The following AK9 variants were observed in gnomAD, a reference collection of about 807,000 sequenced individuals.
AK9 encodes adenylate kinase domain containing 1.
Under a neutral mutation model 239.6 loss-of-function variants are expected in AK9, and 191 were observed. That is an observed-to-expected ratio of 0.80 (90% CI 0.71 to 0.90). The LOEUF (loss-of-function observed/expected upper bound fraction) is 0.90, where lower values mean the gene tolerates loss of function less well. Among genes scored for constraint, AK9 ranks in the 40% least tolerant of loss-of-function variants. The pLI is 0.00. For missense variants in AK9, 1,995 were observed against 2,214.7 expected, an observed-to-expected ratio of 0.90 and a Z score of 1.99; for synonymous variants, 689 against 721.0, an observed-to-expected ratio of 0.96 and a Z score of 0.71.
At position 109,658,201 on chromosome 6, in the gene AK9, G is replaced by T. The variant is rs183971376; in HGVS notation, c.630+1027C>A. 9.1e-4 allele frequency among the ~76,000 whole-genome samples: 138 copies of T among 152,198 alleles called. 1 individual carries two copies. The highest frequency in any genetic ancestry group is 3.2e-3 in the African/African-American group (132 of 41,538). ...CTACAAGTAGAATTACTGGACCAAA[G>T]GTTATACATTTCAAAGTGGCTCAAT... is the stretch of plus-strand genomic sequence containing the variant. On this transcript the variant is annotated intron_variant, in intron 7 of 40. Transcript: ENST00000424296.
Position 109,610,407 on chromosome 6 carries a change from T to A in AK9, c.1800A>T (p.Pro600=). 3 of 1,551,768 alleles carry A rather than the reference T, an allele frequency of 1.9e-6. No homozygotes were observed. The highest frequency in any genetic ancestry group is 2.6e-6 in the Non-Finnish European group (3 of 1,146,924). ...KMSQDINFEQ[P]YEKHAEILQE... is the part of the protein sequence containing the mutation. ...GTAAGATTTCAGCATGTTTTTCATA[T>A]GGCTGTTCAAAGTTTATATCCTGTG... The change falls in exon 17 of 41, where the codon CCA becomes CCT. Residue 600 remains proline (P), a synonymous_variant. Transcript: ENST00000424296.
At chr6:109,644,298 C>A (rs936665405) in intron 9 of AK9, among the ~76,000 whole-genome samples, 1 of 152,150 alleles carries the variant, frequency 6.6e-6, no homozygotes, top group African/African-American at 2.4e-5. Context: ...AAAGGGGGTT[C>A]CCCATTGTGG....
intron 27 of AK9, among the ~76,000 whole-genome samples, chr6:109,538,274 T>A (rs1185845403): frequency 6.6e-6 from 1 of 152,214 alleles, no homozygotes; most frequent in African/African-American, 2.4e-5. Context: ...ACTTGCTTTA[T>A]GAATCTGGGT....
chr6:109,589,152 G>A (rs1280030360), intron 17 of AK9, among the ~76,000 whole-genome samples: 1 of 152,110 alleles, frequency 6.6e-6, no homozygotes, highest in Non-Finnish European at 1.5e-5. Flanking sequence ...CCTTAAATCT[G>A]TAGATTGCTT....
At chr6:109,594,804 C>T (rs888947102) in intron 17 of AK9, among the ~76,000 whole-genome samples, 3 of 152,156 alleles carry the variant, frequency 2.0e-5, no homozygotes, top group African/African-American at 4.8e-5. Context: ...ACTGGTGAGC[C>T]ATATGCAGAA....
At chr6:109,563,996 C>T (rs889978729) in intron 23 of AK9, 84 bp downstream of exon 23, 7 of 1,307,946 alleles carry the variant, frequency 5.4e-6, no homozygotes, top group Non-Finnish European at 7.3e-6. Flanking sequence ...CTTCATAAAC[C>T]ATCAAAGAAG....
intron 29 of AK9, among the ~76,000 whole-genome samples, chr6:109,523,471 CCTCT>C (rs1449383622): frequency 3.3e-5 from 5 of 152,224 alleles, no homozygotes; most frequent in Non-Finnish European, 7.4e-5. Context: ...AAACAACACT[CCTCT>C]CTCTCTATTA....
At chr6:109,568,441 A>G (rs1020943518) in intron 21 of AK9, among the ~76,000 whole-genome samples, 3 of 152,126 alleles carry the variant, frequency 2.0e-5, no homozygotes, top group Admixed American at 6.6e-5. Flanking sequence ...AAATCAGGCA[A>G]GATAAAGAAA....
chr6:109,618,101 G>C (rs1794393933), intron 13 of AK9, among the ~76,000 whole-genome samples: 1 of 152,184 alleles, frequency 6.6e-6, no homozygotes, highest in Admixed American at 6.6e-5. Flanking sequence ...AGGATATTTG[G>C]AATGGATGCA....
At chr6:109,588,081 T>G (rs1042941669) in intron 17 of AK9, among the ~76,000 whole-genome samples, 2 of 152,162 alleles carry the variant, frequency 1.3e-5, no homozygotes, top group African/African-American at 2.4e-5. Flanking sequence ...TGCCTTCTTT[T>G]TTTTTTTGAG....
At chr6:109,520,209 G>C (rs1158152590) in intron 29 of AK9, among the ~76,000 whole-genome samples, 1 of 152,128 alleles carries the variant, frequency 6.6e-6, no homozygotes, top group Non-Finnish European at 1.5e-5. Context: ...GTCCAGAATG[G>C]TGTTTCCCAG....
At position 109,644,706 on chromosome 6, in the gene AK9, G is replaced by T; in HGVS notation, c.760-18C>A. On this transcript the variant is annotated intron_variant, in intron 8 of 40. Transcript: ENST00000424296. ...ATTACTTCCTGCAGATAATAGAAAA[G>T]AAACTTTATAATACAGGATCACTAG... is the stretch of plus-strand genomic sequence containing the variant. The T allele has an allele frequency of 1.9e-6, 3 of 1,592,996 alleles. No homozygotes were observed. Among genetic ancestry groups the T allele is most frequent in the Middle Eastern group, 1.7e-4 (1 of 5,990 alleles).
At chr6:109,539,501 C>T (rs186826704) in intron 27 of AK9, among the ~76,000 whole-genome samples, 143 of 152,276 alleles carry the variant, frequency 9.4e-4, no homozygotes, top group African/African-American at 2.9e-3. Context: ...GTTAGCCATT[C>T]GTCTAATCTT....
At position 109,673,476 on chromosome 6, in the gene AK9, T is replaced by C. The variant is rs553501541; in HGVS notation, c.181+722A>G. On this transcript the variant is annotated intron_variant, in intron 3 of 40. Transcript: ENST00000424296. The stretch of plus-strand genomic sequence containing the variant: ...CTACTTTTATGAATTGCCTATTCAT[T>C]CTTTTTCTTATTTTTCTATTAGGGC... 1.1e-4 allele frequency among the ~76,000 whole-genome samples: 17 copies of C among 152,236 alleles called. No individual in the cohort carries two copies. The Middle Eastern group carries it at 0.01, about 91-fold the overall frequency.
At chr6:109,603,117 A>G (rs1792285662) in intron 17 of AK9, among the ~76,000 whole-genome samples, 2 of 152,164 alleles carry the variant, frequency 1.3e-5, no homozygotes. Context: ...GCTGGCAAGG[A>G]GCTGCATCCC....
intron 28 of AK9, among the ~76,000 whole-genome samples, chr6:109,529,281 G>C (rs184722307): frequency 2.7e-3 from 406 of 152,204 alleles, no homozygotes; most frequent in Non-Finnish European, 3.8e-3. Flanking sequence ...TCTTCCAGAG[G>C]GATAAACAGC....
chr6:109,551,016 A>G (rs1359047231), intron 24 of AK9, among the ~76,000 whole-genome samples: 1 of 152,160 alleles, frequency 6.6e-6, no homozygotes, highest in Non-Finnish European at 1.5e-5. Flanking sequence ...TCCCAGACTC[A>G]TTAAAAAAAT....
intron 1 of AK9, among the ~76,000 whole-genome samples, chr6:109,680,080 A>T (rs1772388655): frequency 6.6e-6 from 1 of 152,206 alleles, no homozygotes; most frequent in Non-Finnish European, 1.5e-5. Flanking sequence ...CCAGCATGGG[A>T]ACAAAACTGG....
chr6:109,673,292 T>A (rs1771209580), intron 3 of AK9, among the ~76,000 whole-genome samples: 1 of 152,152 alleles, frequency 6.6e-6, no homozygotes, highest in East Asian at 1.9e-4. Flanking sequence ...ACTAACAGCA[T>A]GTGGAATGCC....
Sources: gnomAD v4.1 joint callset for allele counts (sites outside exome capture counted in the v4.1 genomes callset) on GRCh38, gnomAD v4.1.1 for gene constraint, MANE v1.5 for transcripts, NCBI Gene and HGNC (gene_info 2026-07-23, HGNC 2026-07-21) for gene names.